EDRF1: variants seen among roughly 807,000 people sequenced by gnomAD.
EDRF1 encodes the protein erythroid differentiation regulatory factor 1.
Under a neutral mutation model 148.7 loss-of-function variants are expected in EDRF1, and 69 were observed. That is an observed-to-expected ratio of 0.46 (90% CI 0.38 to 0.57). The LOEUF (loss-of-function observed/expected upper bound fraction) is 0.57. Ranked by LOEUF, EDRF1 falls within the 20% of genes least tolerant of loss-of-function variation. EDRF1 has a pLI of 0.00. For synonymous variants in EDRF1, 515 were observed against 532.8 expected (o/e 0.97, Z 0.46); for missense variants, 1,118 against 1,478.7 (o/e 0.76, Z 4.00).
At chr10:125,745,498 G>A (rs932416484) in intron 18 of EDRF1, 9 of 600,810 alleles carry the variant, frequency 1.5e-5, no homozygotes, top group Middle Eastern at 8.9e-4. Flanking sequence ...AGGAACTAGG[G>A]GTTAGGGCTT....
intron 21 of EDRF1, 165 bp from the exon 22 acceptor site, chr10:125,749,247 C>CAA (rs372652076): frequency 5.9e-4 from 376 of 634,346 alleles, no homozygotes; most frequent in Non-Finnish European, 7.1e-4. Context: ...GACCCTGTCT[C>CAA]AAAAAAAAAA....
At chr10:125,760,154 A>G (rs1850127428) in intron 24 of EDRF1, among the ~76,000 whole-genome samples, 1 of 152,262 alleles carries the variant, frequency 6.6e-6, no homozygotes, top group South Asian at 2.1e-4. Context: ...ATATGGTAAC[A>G]AGGCTTGGAA....
At chr10:125,732,540 G>T (rs1848525832) in intron 9 of EDRF1, among the ~76,000 whole-genome samples, 1 of 152,126 alleles carries the variant, frequency 6.6e-6, no homozygotes, top group Non-Finnish European at 1.5e-5. Context: ...AGACATTGGA[G>T]CCTCTCCTCA....
chr10:125,754,373 AAG>A (rs1432176082), intron 24 of EDRF1, among the ~76,000 whole-genome samples: 1 of 152,256 alleles, frequency 6.6e-6, no homozygotes, highest in African/African-American at 2.4e-5. Context: ...TACAGAAAGA[AAG>A]AAATCTTGCT....
In EDRF1 at chr10:125,747,578, C is replaced by T. The variant is rs781467580; in HGVS notation, c.2857C>T (p.Arg953Ter). The stretch of plus-strand genomic sequence containing the variant: ...GAAAGCGCTAAGGTCATTGGGAACA[C>T]GAGACATACACCCAGCTGTTTGGGA... ...YLKALRSLGT[R>*]DIHPAVWDSV... The change falls in exon 20 of 25, where the codon CGA (arginine) becomes TGA (stop). Residue 953 changes from arginine to a stop codon, truncating the protein, a stop_gained. Transcript: ENST00000356792. LOFTEE classifies it high-confidence loss of function. The T allele has an allele frequency of 1.9e-6, 3 of 1,614,114 alleles. No individual in the cohort carries two copies. Among genetic ancestry groups the T allele is most frequent in the Non-Finnish European group, 1.7e-6 (2 of 1,180,002 alleles).
intron 19 of EDRF1, chr10:125,747,087 TTTG>T (rs1185111246): frequency 6.3e-6 from 1 of 158,750 alleles, no homozygotes; most frequent in African/African-American, 2.4e-5. Flanking sequence ...TAAGTGTGGT[TTTG>T]TTTTTGGTTT....
At position 125,753,833 on chromosome 10, in the gene EDRF1, A is replaced by G. The variant is rs1486090872; in HGVS notation, c.3533A>G (p.Lys1178Arg). ...LQSIKLLSST[K>R]KKTSNNIEDD... is the part of the protein sequence containing the mutation. ...TCCATTAAACTGCTATCTTCAACTAAAAAGAAAACAAGGTAAATTAAGTGG... is the reference window on the plus strand; with the variant it reads ...TCCATTAAACTGCTATCTTCAACTAGAAAGAAAACAAGGTAAATTAAGTGG... Residue 1178 changes from lysine to arginine, a missense_variant, in exon 24 of 25, where the codon AAA (lysine) becomes AGA (arginine). Lys to Arg is a conservative substitution (Grantham distance 26). Transcript: ENST00000356792. The G allele has an allele frequency of 2.5e-6, 4 of 1,612,742 alleles. No individual in the cohort carries two copies. In the African/African-American group the frequency reaches 5.3e-5, roughly 22 times the overall value.
chr10:125,722,995 T>C, intron 2 of EDRF1, 73 bp from the exon 3 acceptor site: 1 of 1,153,020 alleles, frequency 8.7e-7, no homozygotes, highest in South Asian at 1.2e-5. Flanking sequence ...TGAGCTACAG[T>C]ATTGTTATTA....
chr10:125,728,228 A>C lies in EDRF1; in HGVS notation c.793-775A>C, dbSNP rs1234440349. 2.6e-5 allele frequency among the ~76,000 whole-genome samples: 4 copies of C among 152,084 alleles called. No individual in the cohort carries two copies. The South Asian group carries it at 8.3e-4, about 32-fold the overall frequency. ...AAAAAGTATTCCAGAGAATATCTTA[A>C]GAACAAAAAGTGTTCTGAGATTAAA... On this transcript the variant is annotated intron_variant, in intron 6 of 24. Coordinates refer to ENST00000356792, the MANE Select transcript of EDRF1 (RefSeq NM_001202438.2).
rs758095465 is a variant in EDRF1 at position 125,763,589 on chromosome 10, C to G, written c.*117C>G. The G allele has an allele frequency of 4.3e-6, 5 of 1,166,806 alleles. No homozygotes were observed. Among genetic ancestry groups the G allele is most frequent in the African/African-American group, 3.1e-5 (2 of 65,354 alleles). The allele number at this position is 1,166,806 out of a possible 1,614,324, so 72.3% of individuals were successfully genotyped here. A position where few individuals can be genotyped will look rare whatever the true frequency, so the allele number is the denominator to read the frequency against. ...AAATATCCATTTAAAACAGGTATAT[C>G]AGTGGAAACACAGAGTTATTTTAAG... On this transcript the variant is annotated 3_prime_UTR_variant, in exon 25 of 25. Coordinates refer to ENST00000356792, the MANE Select transcript of EDRF1 (RefSeq NM_001202438.2). The surrounding 1 kb of genome is among the most constrained non-coding windows in gnomAD (Gnocchi z 4.3).
intron 1 of EDRF1, 42 bp downstream of exon 1, chr10:125,719,957 C>G (rs750018773): frequency 5.1e-6 from 8 of 1,565,712 alleles, no homozygotes; most frequent in African/African-American, 2.7e-5. Context: ...GATGTGGGAG[C>G]GGAGGACCCG....
intron 23 of EDRF1, 51 bp from the exon 24 acceptor site, chr10:125,753,643 A>G (rs1849750276): frequency 6.2e-7 from 1 of 1,602,012 alleles, no homozygotes; most frequent in African/African-American, 1.3e-5. Context: ...GTACGATATG[A>G]AACTACAGTT....
chr10:125,736,726 G>A (rs1213609105), intron 13 of EDRF1, among the ~76,000 whole-genome samples: 1 of 151,838 alleles, frequency 6.6e-6, no homozygotes, highest in East Asian at 1.9e-4. Flanking sequence ...AAAGCATCAA[G>A]ATTATGCTCA....
intron 17 of EDRF1, chr10:125,741,767 C>T (rs1240351689): frequency 5.6e-6 from 1 of 179,058 alleles, no homozygotes; most frequent in Non-Finnish European, 1.2e-5. Context: ...AGTCTTGGCT[C>T]ACTGCAACCT....
chr10:125,724,951 G>A (rs1237490442), intron 4 of EDRF1, among the ~76,000 whole-genome samples: 3 of 152,142 alleles, frequency 2.0e-5, no homozygotes, highest in Non-Finnish European at 2.9e-5. Flanking sequence ...GCCTAGGCAC[G>A]GGGATGTGAC....
chr10:125,745,680 AGTT>A (rs775069146), intron 18 of EDRF1, 24 bp from the exon 19 acceptor site: 13 of 1,609,106 alleles, frequency 8.1e-6, no homozygotes, highest in Non-Finnish European at 1.1e-5. Context: ...CTGCTTACAC[AGTT>A]GTTTTCTTTC....
At chr10:125,744,034 T>A (rs979801381) in intron 18 of EDRF1, among the ~76,000 whole-genome samples, 3 of 152,122 alleles carry the variant, frequency 2.0e-5, no homozygotes, top group Non-Finnish European at 2.9e-5. Flanking sequence ...TGAAGTGTGC[T>A]AAGAGCTGTA....
chr10:125,741,002 T>C lies in EDRF1; in HGVS notation c.2172T>C (p.Asp724=). 1 of 1,613,952 alleles carries C rather than the reference T, an allele frequency of 6.2e-7. No individual in the cohort carries two copies. Among genetic ancestry groups the C allele is most frequent in the Non-Finnish European group, 8.5e-7 (1 of 1,179,986 alleles). The part of the protein sequence containing the change: ...RYIKLALQSH[D]TYCCLCTNML... ...CTTCTTCCCTCCCTTTCTAAACAGA[T>C]ACTTATTGCTGCCTCTGCACCAATA... The change falls in exon 17 of 25, where the codon GAT becomes GAC. Residue 724 remains aspartate (D), a splice_region_variant and synonymous_variant. Coordinates refer to ENST00000356792, the MANE Select transcript of EDRF1 (RefSeq NM_001202438.2).
chr10:125,726,354 G>A (rs1413343163), intron 6 of EDRF1, among the ~76,000 whole-genome samples: 1 of 152,130 alleles, frequency 6.6e-6, no homozygotes, highest in Non-Finnish European at 1.5e-5. Context: ...TAAAATTCCT[G>A]AAACTTAGTC....
Sources: gnomAD v4.1 joint callset for allele counts (sites outside exome capture counted in the v4.1 genomes callset) on GRCh38, gnomAD v4.1.1 for gene constraint, Gnocchi (gnomAD v3.1) non-coding constraint, MANE v1.5 for transcripts, NCBI Gene and HGNC (gene_info 2026-07-23, HGNC 2026-07-21) for gene names.